TPRX1: variants seen among roughly 807,000 people sequenced by gnomAD.
The protein encoded by TPRX1 is tetrapeptide repeat homeobox 1.
A neutral mutation model predicts 8.1 loss-of-function variants in TPRX1; 2 were observed. That is an observed-to-expected ratio of 0.25 (90% CI 0.10 to 0.78). The LOEUF (loss-of-function observed/expected upper bound fraction) is 0.78, where lower values mean the gene tolerates loss of function less well. TPRX1 is among the 30% of genes least tolerant of loss of function. The probability of loss-of-function intolerance (pLI) is 0.70; values close to 1 mark genes in which losing one functional copy is unlikely to be tolerated. For missense variants in TPRX1, 517 were observed against 586.9 expected, an observed-to-expected ratio of 0.88 and a Z score of 1.23; for synonymous variants, 257 against 254.1, an observed-to-expected ratio of 1.01 and a Z score of -0.11.
Position 47,815,717 on chromosome 19 carries a change from C to T in TPRX1, c.151+2751G>A, listed in dbSNP as rs186060206. ...GTTCCAGCTACTCAGGAGGCTGAGA[C>T]GAGAGGATCATTTGAGCCCAGGAGG... On this transcript the variant is annotated intron_variant, in intron 2 of 3. Transcript: ENST00000535759. Among the ~76,000 whole-genome samples the T allele has an allele frequency of 1.3e-3, 186 of 147,252 alleles. 2 individuals carry two copies. Among genetic ancestry groups the T allele is most frequent in the African/African-American group, 3.8e-3 (154 of 40,048 alleles).
intron 2 of TPRX1, among the ~76,000 whole-genome samples, chr19:47,817,014 C>T (rs1967850150): frequency 6.6e-6 from 1 of 152,184 alleles, no homozygotes; most frequent in Admixed American, 6.5e-5. Context: ...GATCAGTGTC[C>T]TTGCCCTGGG....
intron 1 of TPRX1, chr19:47,818,684 C>T (rs139151839): frequency 2.6e-6 from 1 of 387,066 alleles, no homozygotes; most frequent in African/African-American, 2.1e-5. Flanking sequence ...CATCAACAAC[C>T]TGATCCAAGG....
exon 4 of TPRX1, chr19:47,802,394 G>A (rs62130758): frequency 0.25 from 345,701 of 1,402,874 alleles, 40,773 homozygotes; most frequent in African/African-American, 0.38. Context: ...GCCTGGGATC[G>A]GGCCTGGGAT....
chr19:47,801,521 G>A, exon 4 of TPRX1: 3 of 443,206 alleles, frequency 6.8e-6, no homozygotes, highest in South Asian at 4.3e-5. Context: ...CTCTCGAGCA[G>A]CATCCACTAA....
chr19:47,813,157 A>C lies in TPRX1; in HGVS notation c.151+5311T>G, dbSNP rs1427291880. Among the ~76,000 whole-genome samples, 663 of 111,032 alleles carry C rather than the reference A, an allele frequency of 6.0e-3. 13 individuals carry two copies. Among genetic ancestry groups the C allele is most frequent in the African/African-American group, 0.021 (579 of 27,082 alleles). 72.8% of individuals were successfully genotyped at this position (111,032 alleles called of 152,430 possible). On this transcript the variant is annotated intron_variant, in intron 2 of 3. Coordinates refer to ENST00000535759, the Ensembl canonical transcript of TPRX1. ...TAAATAAATAATAATAAATAAAACAACCCCCCCCACCCCGCCAAAATTAGC... is the reference window on the plus strand; with the variant it reads ...TAAATAAATAATAATAAATAAAACACCCCCCCCCACCCCGCCAAAATTAGC...
intron 2 of TPRX1, among the ~76,000 whole-genome samples, chr19:47,812,698 C>A (rs1967794381): frequency 6.6e-6 from 1 of 151,324 alleles, no homozygotes. Context: ...CACACTGAGA[C>A]AGAAATTAAA....
chr19:47,807,867 G>GT (rs143824918), intron 2 of TPRX1, among the ~76,000 whole-genome samples: 7,351 of 151,568 alleles, frequency 0.048, 330 homozygotes, highest in African/African-American at 0.12. Flanking sequence ...ATTTTTGGAG[G>GT]TTTTTTTTTG....
At chr19:47,813,048 A>G (rs1967797851) in intron 2 of TPRX1, among the ~76,000 whole-genome samples, 1 of 151,896 alleles carries the variant, frequency 6.6e-6, no homozygotes, top group African/African-American at 2.4e-5. Context: ...TGGAGGTTAC[A>G]GTGAGATGAG....
exon 4 of TPRX1, chr19:47,802,753 C>G (rs761499196): frequency 9.5e-5 from 153 of 1,605,842 alleles, no homozygotes; most frequent in Non-Finnish European, 1.3e-4. Flanking sequence ...CTGGGATGCC[C>G]TTCTGGGCTC....
intron 2 of TPRX1, among the ~76,000 whole-genome samples, chr19:47,815,978 G>C (rs899838792): frequency 3.9e-5 from 6 of 152,022 alleles, no homozygotes; most frequent in African/African-American, 1.2e-4. Flanking sequence ...TTAGACTCTG[G>C]GTCATGTGTA....
chr19:47,818,636 G>C (rs1486769233), intron 1 of TPRX1: 1 of 443,834 alleles, frequency 2.3e-6, no homozygotes, highest in Non-Finnish European at 4.5e-6. Context: ...CAGGTATGAG[G>C]AGCACCCCCA....
chr19:47,815,141 TA>T (rs1568617398), intron 2 of TPRX1, among the ~76,000 whole-genome samples: 9 of 103,412 alleles, frequency 8.7e-5, no homozygotes, highest in African/African-American at 3.6e-4. Context: ...TATATATATA[TA>T]TGCAAATATA....
chr19:47,815,037 G>A (rs1967818326), intron 2 of TPRX1, among the ~76,000 whole-genome samples: 1 of 145,904 alleles, frequency 6.9e-6, no homozygotes, highest in Admixed American at 7.0e-5. Context: ...GACCACAAGT[G>A]ATCTGCCCGT....
intron 2 of TPRX1, among the ~76,000 whole-genome samples, chr19:47,810,256 A>G (rs1357485091): frequency 1.1e-5 from 1 of 88,978 alleles, no homozygotes; most frequent in East Asian, 2.3e-4. Context: ...CTCCATCTCA[A>G]AAAAAAAAAA....
In TPRX1 at chr19:47,816,026, C is replaced by T. The variant is rs187201426; in HGVS notation, c.151+2442G>A. 7.2e-4 allele frequency among the ~76,000 whole-genome samples: 110 copies of T among 151,958 alleles called. 1 individual carries two copies. Among genetic ancestry groups the T allele is most frequent in the African/African-American group, 2.5e-3 (103 of 41,432 alleles). Reference sequence around the variant, plus strand: ...AGGGCACGGTTTTGAGAGGCAAACACGGCTGACCCAAATATTGTTTTTCTG... The same window carrying T: ...AGGGCACGGTTTTGAGAGGCAAACATGGCTGACCCAAATATTGTTTTTCTG... On this transcript the variant is annotated intron_variant, in intron 2 of 3. Coordinates refer to ENST00000535759, the Ensembl canonical transcript of TPRX1.
exon 4 of TPRX1, chr19:47,801,579 C>T (rs1967663273): frequency 3.2e-6 from 2 of 633,842 alleles, no homozygotes; most frequent in Non-Finnish European, 5.2e-6. Flanking sequence ...CAGAGAAACG[C>T]TCAGGCTCAA....
chr19:47,801,876 C>T (rs758622199), exon 4 of TPRX1: 5 of 1,614,162 alleles, frequency 3.1e-6, no homozygotes, highest in Non-Finnish European at 4.2e-6. Flanking sequence ...ATAGAGTCAT[C>T]CCCTTCTTGG....
intron 2 of TPRX1, among the ~76,000 whole-genome samples, chr19:47,813,996 A>C (rs62131909): frequency 0.24 from 34,081 of 140,136 alleles, 4,941 homozygotes; most frequent in Middle Eastern, 0.35. Flanking sequence ...GAGTGGATAC[A>C]GGCATATTCC....
chr19:47,815,163 T>TATGCAAATATA (rs201060804), intron 2 of TPRX1, among the ~76,000 whole-genome samples: 1 of 86,298 alleles, frequency 1.2e-5, no homozygotes, highest in Non-Finnish European at 2.1e-5. Flanking sequence ...TATATATATA[T>TATGCAAATATA]TTTTTTTTTT....
Sources: gnomAD v4.1 joint callset for allele counts (sites outside exome capture counted in the v4.1 genomes callset) on GRCh38, gnomAD v4.1.1 for gene constraint, MANE v1.5 for transcripts, NCBI Gene and HGNC (gene_info 2026-07-23, HGNC 2026-07-21) for gene names.